The following FOXRED1 variants were observed in gnomAD, a reference collection of about 807,000 sequenced individuals.
FOXRED1 encodes FAD dependent oxidoreductase domain containing 1.
A neutral mutation model predicts 57.8 loss-of-function variants in FOXRED1; 52 were observed. The ratio of observed to expected loss-of-function variants is 0.90; its 90% CI spans 0.72 to 1.13. FOXRED1 has a LOEUF of 1.13. FOXRED1 is among the 50% of genes most tolerant of loss of function. FOXRED1 has a pLI of 0.00. For synonymous variants in FOXRED1, 271 were observed against 248.3 expected (o/e 1.09, Z -0.86); for missense variants, 589 against 625.2 (o/e 0.94, Z 0.62).
rs576876909 is a variant in FOXRED1 at position 126,271,070 on chromosome 11, C to G, written c.86-367C>G. 4.5e-5 allele frequency: 15 copies of G among 336,520 alleles called. No homozygotes were observed. The highest frequency in any genetic ancestry group is 6.9e-5 in the Non-Finnish European group (12 of 172,674). The allele number at this position is 336,520 out of a possible 1,614,324, so 20.8% of individuals were successfully genotyped here. A position where few individuals can be genotyped will look rare whatever the true frequency, so the allele number is the denominator to read the frequency against. ...AGCGGTGACATGCTTCAGAGGGTGC[C>G]GTGACTTGGGGTGTGCCAGGGCCTC... On this transcript the variant is annotated intron_variant, in intron 1 of 10. Coordinates refer to ENST00000263578, the MANE Select transcript of FOXRED1 (RefSeq NM_017547.4). This position sits in a 1 kb window ranked among gnomAD's most constrained non-coding sequence, Gnocchi z 5.3.
chr11:126,271,860 G>A lies in FOXRED1; in HGVS notation c.306+203G>A, dbSNP rs1001589260. On this transcript the variant is annotated intron_variant, in intron 2 of 10. Transcript: ENST00000263578. The surrounding 1 kb of genome is among the most constrained non-coding windows in gnomAD (Gnocchi z 5.3). ...ACCAGGAAGCTTGGCAATAAGGTTT[G>A]TTCTTTTGAAAGCAGATATCACCAT... 5.1e-6 allele frequency: 3 copies of A among 590,766 alleles called. No individual in the cohort carries two copies. Among genetic ancestry groups the A allele is most frequent in the Admixed American group, 5.2e-5 (2 of 38,818 alleles). 36.6% of individuals were successfully genotyped at this position (590,766 alleles called of 1,614,324 possible). A position where few individuals can be genotyped will look rare whatever the true frequency, so the allele number is the denominator to read the frequency against.
rs1335700790 is a variant in FOXRED1 at position 126,275,810 on chromosome 11, T to G, written c.750T>G (p.Ser250=). The part of the protein sequence containing the change: ...QGEVTRFVSS[S]QRMLTTDDKA... ...TCTCTGCAGGTTTTGTCTCTTCATC[T>G]CAACGCATGTTGACCACAGATGACA... is the stretch of plus-strand genomic sequence containing the variant. Residue 250 remains serine, a synonymous_variant, in exon 7 of 11, where the codon TCT becomes TCG. Transcript: ENST00000263578. The surrounding 1 kb of genome is among the most constrained non-coding windows in gnomAD (Gnocchi z 5.9). 2 of 1,612,250 alleles carry G rather than the reference T, an allele frequency of 1.2e-6. No homozygotes were observed. Among genetic ancestry groups the G allele is most frequent in the Admixed American group, 3.3e-5 (2 of 60,010 alleles).
At position 126,273,695 on chromosome 11, in the gene FOXRED1, A is replaced by T. The variant is rs1163192282; in HGVS notation, c.536+241A>T. On this transcript the variant is annotated intron_variant, in intron 4 of 10. Coordinates refer to ENST00000263578, the MANE Select transcript of FOXRED1 (RefSeq NM_017547.4). The surrounding 1 kb of genome is among the most constrained non-coding windows in gnomAD (Gnocchi z 5.9). ...AGATCATGAAAACCACCTGGAACAC[A>T]TCCCAGACCTAATAAACCAGAATCT... 2 of 531,400 alleles carry T rather than the reference A, an allele frequency of 3.8e-6. No individual in the cohort carries two copies. The highest frequency in any genetic ancestry group is 6.8e-6 in the Non-Finnish European group (2 of 292,264). The allele number at this position is 531,400 out of a possible 1,614,324, so 32.9% of individuals were successfully genotyped here.
Position 126,274,994 on chromosome 11 carries a change from A to G in FOXRED1, c.604A>G (p.Thr202Ala). 1 of 1,613,606 alleles carries G rather than the reference A, an allele frequency of 6.2e-7. No individual in the cohort carries two copies. The highest frequency in any genetic ancestry group is 1.1e-5 in the South Asian group (1 of 91,074). The change falls in exon 5 of 11, where the codon ACA becomes GCA. Residue 202 changes from threonine to alanine, a missense_variant. Transcript: ENST00000263578. The surrounding 1 kb of genome is among the most constrained non-coding windows in gnomAD (Gnocchi z 4.8). ...TCGGAACAAGTTTCCCTGGATAAAC[A>G]CAGAGGGAGTGGCTTTGGCGTCTTA... ...QLRNKFPWIN[T>A]EGVALASYGM...
In FOXRED1 at chr11:126,276,049, G is replaced by A; in HGVS notation, c.811-10G>A. ...GGGCCTTCCCACTCCTCACCCTCTG[G>A]TGTCTGCAGGTGAAGATGGACCGCA... On this transcript the variant is annotated splice_polypyrimidine_tract_variant and intron_variant, in intron 7 of 10. Transcript: ENST00000263578. 1 of 1,612,850 alleles carries A rather than the reference G, an allele frequency of 6.2e-7. No individual in the cohort carries two copies. Among genetic ancestry groups the A allele is most frequent in the African/African-American group, 1.3e-5 (1 of 75,006 alleles).
At position 126,273,109 on chromosome 11, in the gene FOXRED1, G is replaced by T. The variant is rs1390569162; in HGVS notation, c.417+30G>T. ...GTGCAATGATATCCGGGATGTTGGG[G>T]TGGTTACCCCTCCTTTAGCCCAGAG... On this transcript the variant is annotated intron_variant, in intron 3 of 10. Coordinates refer to ENST00000263578, the MANE Select transcript of FOXRED1 (RefSeq NM_017547.4). This position sits in a 1 kb window ranked among gnomAD's most constrained non-coding sequence, Gnocchi z 5.9. 1 of 1,297,476 alleles carries T rather than the reference G, an allele frequency of 7.7e-7. No homozygotes were observed. The highest frequency in any genetic ancestry group is 1.5e-5 in the African/African-American group (1 of 68,948). 80.4% of individuals were successfully genotyped at this position (1,297,476 alleles called of 1,614,324 possible).
At position 126,275,867 on chromosome 11, in the gene FOXRED1, C is replaced by T; in HGVS notation, c.807C>T (p.Val269=). 2 of 1,607,480 alleles carry T rather than the reference C, an allele frequency of 1.2e-6. No individual in the cohort carries two copies. The highest frequency in any genetic ancestry group is 2.2e-5 in the South Asian group (2 of 90,964). Residue 269 remains valine (V), a synonymous_variant, in exon 7 of 11, where the codon GTC becomes GTT. Coordinates refer to ENST00000263578, the MANE Select transcript of FOXRED1 (RefSeq NM_017547.4). This position sits in a 1 kb window ranked among gnomAD's most constrained non-coding sequence, Gnocchi z 5.9. ...TGGTCTTGAAAAGGATCCATGAAGT[C>T]CATGTAAGTTTCTAGTCTGTGATGT... is the stretch of plus-strand genomic sequence containing the variant. ...KAVVLKRIHE[V]HVKMDRSLEY... is the part of the protein sequence containing the mutation.
chr11:126,276,441 C>CG lies in FOXRED1; in HGVS notation c.1020dup (p.Leu341AlafsTer17). 6.3e-7 allele frequency: 1 copy of CG among 1,589,776 alleles called. No homozygotes were observed. The highest frequency in any genetic ancestry group is 1.1e-5 in the South Asian group (1 of 90,530). On this transcript the variant is annotated frameshift_variant, in exon 9 of 11. Transcript: ENST00000263578. LOFTEE classifies it high-confidence loss of function. The stretch of plus-strand genomic sequence containing the variant: ...CCCCAGGGACCAGGCCTAGAGACTC[C>CG]GCTTGTTGCAGACACCAGTGGAGCC...
In FOXRED1 at chr11:126,277,856, G is replaced by C. The variant is rs750295483; in HGVS notation, c.*167G>C. ...CCATATGGCTGGGCAGGCACAGGCA[G>C]TGAGGCCGAGGCCAATAGCGAGTGA... On this transcript the variant is annotated 3_prime_UTR_variant, in exon 11 of 11. Coordinates refer to ENST00000263578, the MANE Select transcript of FOXRED1 (RefSeq NM_017547.4). This position sits in a 1 kb window ranked among gnomAD's most constrained non-coding sequence, Gnocchi z 6.8. The C allele has an allele frequency of 1.3e-6, 1 of 757,312 alleles. No homozygotes were observed. The highest frequency in any genetic ancestry group is 1.4e-5 in the South Asian group (1 of 69,704). The allele number at this position is 757,312 out of a possible 1,614,324, so 46.9% of individuals were successfully genotyped here. A position where few individuals can be genotyped will look rare whatever the true frequency, so the allele number is the denominator to read the frequency against.
chr11:126,273,818 G>T lies in FOXRED1; in HGVS notation c.536+364G>T. ...AAGGGCCAGATAGTATATATTTTAG[G>T]TTTTGCTGGCCATACAGTCTCTATT... On this transcript the variant is annotated intron_variant, in intron 4 of 10. Coordinates refer to ENST00000263578, the MANE Select transcript of FOXRED1 (RefSeq NM_017547.4). The surrounding 1 kb of genome is among the most constrained non-coding windows in gnomAD (Gnocchi z 5.9). 1 of 308,182 alleles carries T rather than the reference G, an allele frequency of 3.2e-6. No homozygotes were observed. The highest frequency in any genetic ancestry group is 3.0e-5 in the South Asian group (1 of 32,866). 19.1% of individuals were successfully genotyped at this position (308,182 alleles called of 1,614,324 possible).
In FOXRED1 at chr11:126,272,680, A is replaced by T. The variant is rs185228884; in HGVS notation, c.307-289A>T. ...TCAATCATAACCTTTCATTTCCCAA[A>T]TGGTAGGTCAAACGTTAATCGCCTG... On this transcript the variant is annotated intron_variant, in intron 2 of 10. Transcript: ENST00000263578. This position sits in a 1 kb window ranked among gnomAD's most constrained non-coding sequence, Gnocchi z 4.6. The T allele has an allele frequency of 2.5e-3, 1,289 of 513,700 alleles. 4 individuals are homozygous for T. Among genetic ancestry groups the T allele is most frequent in the Middle Eastern group, 8.6e-3 (16 of 1,856 alleles). 31.8% of individuals were successfully genotyped at this position (513,700 alleles called of 1,614,324 possible).
chr11:126,272,621 A>C lies in FOXRED1; in HGVS notation c.307-348A>C. On this transcript the variant is annotated intron_variant, in intron 2 of 10. Transcript: ENST00000263578. This position sits in a 1 kb window ranked among gnomAD's most constrained non-coding sequence, Gnocchi z 4.6. ...TTACACTTTAGGTGTTCCTGTTTGC[A>C]TTGCCAGCTAGCCACGAGTCTTGCT... 1 of 374,950 alleles carries C rather than the reference A, an allele frequency of 2.7e-6. No individual in the cohort carries two copies. Among genetic ancestry groups the C allele is most frequent in the Admixed American group, 3.9e-5 (1 of 25,758 alleles). The allele number at this position is 374,950 out of a possible 1,614,324, so 23.2% of individuals were successfully genotyped here.
intron 1 of FOXRED1, chr11:126,269,495 A>G: frequency 1.2e-6 from 1 of 862,894 alleles, no homozygotes. Context: ...GGCAGGTCTC[A>G]CATCATTCTC....
At position 126,273,035 on chromosome 11, in the gene FOXRED1, A is replaced by T; in HGVS notation, c.373A>T (p.Ile125Phe). 1 of 1,606,842 alleles carries T rather than the reference A, an allele frequency of 6.2e-7. No individual in the cohort carries two copies. The highest frequency in any genetic ancestry group is 8.5e-7 in the Non-Finnish European group (1 of 1,173,306). ...ICQQFSLPENIQLSLFSASFL... is the reference protein window; with the variant it reads ...ICQQFSLPENFQLSLFSASFL... ...TCAGCAGTTCTCATTGCCTGAGAACATCCAGCTCTCCCTCTTTTCAGCCAG... is the reference window on the plus strand; with the variant it reads ...TCAGCAGTTCTCATTGCCTGAGAACTTCCAGCTCTCCCTCTTTTCAGCCAG... The change falls in exon 3 of 11, where the codon ATC (isoleucine) becomes TTC (phenylalanine). Residue 125 changes from isoleucine (I) to phenylalanine (F), a missense_variant. Transcript: ENST00000263578. The surrounding 1 kb of genome is among the most constrained non-coding windows in gnomAD (Gnocchi z 5.9).
At chr11:126,269,537 T>A (rs947518599) in intron 1 of FOXRED1, 30 of 700,436 alleles carry the variant, frequency 4.3e-5, no homozygotes, top group South Asian at 1.6e-4. Context: ...TGATTGATAA[T>A]CGGTGGCACA....
At position 126,277,496 on chromosome 11, in the gene FOXRED1, G is replaced by A; in HGVS notation, c.1268G>A (p.Gly423Asp). 1 of 1,613,516 alleles carries A rather than the reference G, an allele frequency of 6.2e-7. No homozygotes were observed. Among genetic ancestry groups the A allele is most frequent in the Non-Finnish European group, 8.5e-7 (1 of 1,179,992 alleles). The change falls in exon 11 of 11, where the codon GGC (glycine) becomes GAC (aspartate). Residue 423 changes from glycine to aspartate, a missense_variant. Physicochemically the swap from Gly to Asp is moderately conservative, Grantham distance 94. Transcript: ENST00000263578. The surrounding 1 kb of genome is among the most constrained non-coding windows in gnomAD (Gnocchi z 6.8). Reference sequence around the variant, plus strand: ...ACCTTTGACCAGAATGGCGTGGTGGGCCCCCACCCGCTAGTTGTCAACATG... The same window carrying A: ...ACCTTTGACCAGAATGGCGTGGTGGACCCCCACCCGCTAGTTGTCAACATG... ...YNTFDQNGVV[G>D]PHPLVVNMYF...
In FOXRED1 at chr11:126,272,315, GTATT is replaced by G. The variant is rs1403731599; in HGVS notation, c.307-644_307-641del. On this transcript the variant is annotated intron_variant, in intron 2 of 10. Coordinates refer to ENST00000263578, the MANE Select transcript of FOXRED1 (RefSeq NM_017547.4). The surrounding 1 kb of genome is among the most constrained non-coding windows in gnomAD (Gnocchi z 4.6). ...CTTCTGAGGTTTTTTGCATTTTATT[GTATT>G]TATTTATTTCGAGACAGGGTCTCGC... 1.3e-5 allele frequency among the ~76,000 whole-genome samples: 2 copies of G among 150,286 alleles called. No individual in the cohort carries two copies. The highest frequency in any genetic ancestry group is 1.3e-4 in the Admixed American group (2 of 15,108).
In FOXRED1 at chr11:126,275,519, G is replaced by T. The variant is rs1191842420; in HGVS notation, c.733+91G>T. ...TCACAAGCTAAGCAAGGGCTGGAGGGGGAAAGGGGTCTCCCTGAGAGCAGG... is the reference window on the plus strand; with the variant it reads ...TCACAAGCTAAGCAAGGGCTGGAGGTGGAAAGGGGTCTCCCTGAGAGCAGG... On this transcript the variant is annotated intron_variant, in intron 6 of 10. Transcript: ENST00000263578. The surrounding 1 kb of genome is among the most constrained non-coding windows in gnomAD (Gnocchi z 5.9). 1 of 966,280 alleles carries T rather than the reference G, an allele frequency of 1.0e-6. No individual in the cohort carries two copies. 59.9% of individuals were successfully genotyped at this position (966,280 alleles called of 1,614,324 possible).
At position 126,275,569 on chromosome 11, in the gene FOXRED1, C is replaced by T. The variant is rs1447770675; in HGVS notation, c.733+141C>T. The T allele has an allele frequency of 5.4e-6, 4 of 744,252 alleles. No homozygotes were observed. In the Admixed American group the frequency reaches 6.0e-5, roughly 11 times the overall value. The allele number at this position is 744,252 out of a possible 1,614,324, so 46.1% of individuals were successfully genotyped here. On this transcript the variant is annotated intron_variant, in intron 6 of 10. Transcript: ENST00000263578. The surrounding 1 kb of genome is among the most constrained non-coding windows in gnomAD (Gnocchi z 5.9). The stretch of plus-strand genomic sequence containing the variant: ...GTCCTAGGCATCTTGACCTGGGCTC[C>T]TCACTGATCTGCGTTGTGACTTGTG...
Sources: gnomAD v4.1 joint callset for allele counts (sites outside exome capture counted in the v4.1 genomes callset) on GRCh38, gnomAD v4.1.1 for gene constraint, Gnocchi (gnomAD v3.1) non-coding constraint, MANE v1.5 for transcripts, NCBI Gene and HGNC (gene_info 2026-07-23, HGNC 2026-07-21) for gene names.